Variants in MAPK14 observed in about 807,000 individuals in gnomAD.
MAPK14 encodes the protein mitogen-activated protein kinase 14.
In MAPK14, 16 loss-of-function variants were observed where a neutral mutation model predicts 49.6. That is an observed-to-expected ratio of 0.32 (90% confidence interval 0.22 to 0.49). The LOEUF (loss-of-function observed/expected upper bound fraction) is 0.49, where lower values mean the gene tolerates loss of function less well. Among genes scored for constraint, MAPK14 ranks in the 20% least tolerant of loss-of-function variants. MAPK14 has a pLI of 0.99. For synonymous variants in MAPK14, 142 were observed against 158.0 expected, an observed-to-expected ratio of 0.90 and a Z score of 0.76; for missense variants, 200 against 441.2, an observed-to-expected ratio of 0.45 and a Z score of 4.90.
intron 8 of MAPK14, chr6:36,076,881 A>G: frequency 3.6e-6 from 1 of 280,754 alleles, no homozygotes; most frequent in Non-Finnish European, 6.7e-6. Context: ...ATCATCCCAC[A>G]GCAGTTCTGA....
rs1488499392 is a variant in MAPK14 at position 36,055,977 on chromosome 6, A to G, written c.246+3149A>G. Among the ~76,000 whole-genome samples, 3 of 152,174 alleles carry G rather than the reference A, an allele frequency of 2.0e-5. No homozygotes were observed. In the South Asian group the frequency reaches 6.2e-4, roughly 31 times the overall value. ...TTTAGCATGGGTAGTTTTAATCTCA[A>G]AATTGTTATTTTCGGTGTGCTTATG... On this transcript the variant is annotated intron_variant, in intron 2 of 11. Transcript: ENST00000229794.
chr6:36,079,186 A>T (rs531675988), intron 8 of MAPK14, among the ~76,000 whole-genome samples: 2 of 152,340 alleles, frequency 1.3e-5, no homozygotes, highest in Non-Finnish European at 1.5e-5. Context: ...TTTTTAATAG[A>T]TGGGGAAACC....
At position 36,107,246 on chromosome 6, in the gene MAPK14, T is replaced by A. The variant is rs1765825756; in HGVS notation, c.842-209T>A. Among the ~76,000 whole-genome samples the A allele has an allele frequency of 7.1e-6, 1 of 141,240 alleles. No individual in the cohort carries two copies. The highest frequency in any genetic ancestry group is 2.7e-5 in the African/African-American group (1 of 36,968). 92.7% of individuals were successfully genotyped at this position (141,240 alleles called of 152,430 possible). ...CCAAATCAAAAATAAAATAAAAAAA[T>A]TTTAAAACATAGAAAATACAGATAC... On this transcript the variant is annotated intron_variant, in intron 10 of 11. Transcript: ENST00000229794. This position sits in a 1 kb window ranked among gnomAD's most constrained non-coding sequence, Gnocchi z 4.3.
chr6:36,031,435 T>C (rs1762540040), intron 1 of MAPK14, among the ~76,000 whole-genome samples: 1 of 152,180 alleles, frequency 6.6e-6, no homozygotes, highest in Non-Finnish European at 1.5e-5. Context: ...AGACAGAGTC[T>C]CATTCTGTTG....
At chr6:36,056,167 T>C (rs2127421675) in intron 2 of MAPK14, among the ~76,000 whole-genome samples, 1 of 152,342 alleles carries the variant, frequency 6.6e-6, no homozygotes, top group East Asian at 1.9e-4. Context: ...TCTCATATTC[T>C]GTTAATGGAA....
chr6:36,043,804 CTTTTTTTTTTT>C lies in MAPK14; in HGVS notation c.117-8882_117-8872del, dbSNP rs796534477. On this transcript the variant is annotated intron_variant, in intron 1 of 11. Coordinates refer to ENST00000229794, the MANE Select transcript of MAPK14 (RefSeq NM_139012.3). ...TAGATATTCTTTTTTCTTTTTCTTT[CTTTTTTTTTTT>C]TTTTTTTTTTTTGAGATGGAGTTTC... Among the ~76,000 whole-genome samples the C allele has an allele frequency of 4.3e-3, 389 of 90,412 alleles. 4 individuals are homozygous for C. The highest frequency in any genetic ancestry group is 0.017 in the African/African-American group (365 of 22,062). The allele number at this position is 90,412 out of a possible 152,430, so 59.3% of individuals were successfully genotyped here.
In MAPK14 at chr6:36,107,510, G is replaced by T. The variant is rs765459552; in HGVS notation, c.897G>T (p.Ala299=). 6.3e-7 allele frequency: 1 copy of T among 1,597,052 alleles called. No homozygotes were observed. The highest frequency in any genetic ancestry group is 1.3e-5 in the African/African-American group (1 of 74,468). The change falls in exon 11 of 12, where the codon GCG becomes GCT. Residue 299 remains alanine, a synonymous_variant. Coordinates refer to ENST00000229794, the MANE Select transcript of MAPK14 (RefSeq NM_139012.3). The surrounding 1 kb of genome is among the most constrained non-coding windows in gnomAD (Gnocchi z 4.3). ...TGGACTCAGATAAGAGAATTACAGC[G>T]GCCCAAGCCCTTGCACATGCCTACT... ...LVLDSDKRIT[A]AQALAHAYFA...
chr6:36,040,321 G>A lies in MAPK14; in HGVS notation c.116+12048G>A, dbSNP rs551412103. Among the ~76,000 whole-genome samples, 98 of 152,258 alleles carry A rather than the reference G, an allele frequency of 6.4e-4. 2 individuals are homozygous for A. The highest frequency in any genetic ancestry group is 3.5e-3 in the South Asian group (17 of 4,830). The stretch of plus-strand genomic sequence containing the variant: ...ATTGCCACATATCTCTTGACGGGTA[G>A]GGAGGGCAAAATCACCTTTAGTTGA... On this transcript the variant is annotated intron_variant, in intron 1 of 11. Coordinates refer to ENST00000229794, the MANE Select transcript of MAPK14 (RefSeq NM_139012.3).
chr6:36,073,489 A>G (rs1394069673), intron 4 of MAPK14, among the ~76,000 whole-genome samples: 3 of 152,228 alleles, frequency 2.0e-5, no homozygotes, highest in African/African-American at 7.2e-5. Context: ...AAATAGATTA[A>G]AAGCTCAACT....
rs1412880076 is a variant in MAPK14 at position 36,107,025 on chromosome 6, C to G, written c.842-430C>G. On this transcript the variant is annotated intron_variant, in intron 10 of 11. Coordinates refer to ENST00000229794, the MANE Select transcript of MAPK14 (RefSeq NM_139012.3). The surrounding 1 kb of genome is among the most constrained non-coding windows in gnomAD (Gnocchi z 4.3). The stretch of plus-strand genomic sequence containing the variant: ...CATTGACGGTCCACAAAAGCCTGTT[C>G]AAACAGAATCCCAGTCATTTAAAAA... Among the ~76,000 whole-genome samples, 1 of 152,124 alleles carries G rather than the reference C, an allele frequency of 6.6e-6. No homozygotes were observed. Among genetic ancestry groups the G allele is most frequent in the African/African-American group, 2.4e-5 (1 of 41,426 alleles).
At chr6:36,042,984 C>T (rs1247852933) in intron 1 of MAPK14, among the ~76,000 whole-genome samples, 3 of 151,784 alleles carry the variant, frequency 2.0e-5, no homozygotes, top group Admixed American at 6.6e-5. Context: ...ATTAGCCAGG[C>T]GTCGTGGTGT....
chr6:36,029,751 G>T lies in MAPK14; in HGVS notation c.116+1478G>T, dbSNP rs146041093. On this transcript the variant is annotated intron_variant, in intron 1 of 11. Transcript: ENST00000229794. ...TAGTTCAAGTTGCTTAAGTTATGTT[G>T]CAGATAGCACCGTGCTTGACATCTT... Among the ~76,000 whole-genome samples, 576 of 152,212 alleles carry T rather than the reference G, an allele frequency of 3.8e-3. 6 individuals are homozygous for T. The Middle Eastern group carries it at 0.051, about 13-fold the overall frequency.
At chr6:36,103,870 A>G (rs889843415) in intron 10 of MAPK14, among the ~76,000 whole-genome samples, 12 of 152,198 alleles carry the variant, frequency 7.9e-5, no homozygotes, top group Non-Finnish European at 1.5e-5. Context: ...GGTGTGTTTT[A>G]AAATCTCACT....
intron 6 of MAPK14, 124 bp from the exon 7 acceptor site, chr6:36,075,716 CTTTATGAA>C: frequency 8.5e-7 from 1 of 1,176,784 alleles, no homozygotes; most frequent in Non-Finnish European, 1.2e-6. Flanking sequence ...CAGGAAATCT[CTTTATGAA>C]AGTGCTATTT....
chr6:36,053,682 T>C (rs1262977314), intron 2 of MAPK14, among the ~76,000 whole-genome samples: 1 of 152,206 alleles, frequency 6.6e-6, no homozygotes, highest in African/African-American at 2.4e-5. Flanking sequence ...TGTTACCTTG[T>C]GGAAGAAAAT....
intron 6 of MAPK14, among the ~76,000 whole-genome samples, 190 bp downstream of exon 6, chr6:36,074,286 GT>G (rs1223082904): frequency 2.0e-5 from 3 of 152,030 alleles, no homozygotes; most frequent in Non-Finnish European, 4.4e-5. Context: ...GGCATCACTT[GT>G]TTTTATTTTA....
At chr6:36,052,458 T>C (rs1304486808) in intron 1 of MAPK14, among the ~76,000 whole-genome samples, 2 of 152,164 alleles carry the variant, frequency 1.3e-5, no homozygotes, top group Admixed American at 6.5e-5. Context: ...TGGCCCTTCA[T>C]TGAAAAAAAT....
In MAPK14 at chr6:36,028,595, G is replaced by C. The variant is rs1762405071; in HGVS notation, c.116+322G>C. On this transcript the variant is annotated intron_variant, in intron 1 of 11. Coordinates refer to ENST00000229794, the MANE Select transcript of MAPK14 (RefSeq NM_139012.3). This position sits in a 1 kb window ranked among gnomAD's most constrained non-coding sequence, Gnocchi z 5.1. ...GGCAACAGGCACCGGGGGAAGGGCC[G>C]CTTCCTTGGGGGTCTCCCTGCCTAC... is the stretch of plus-strand genomic sequence containing the variant. 6.6e-6 allele frequency among the ~76,000 whole-genome samples: 1 copy of C among 152,194 alleles called. No individual in the cohort carries two copies. The highest frequency in any genetic ancestry group is 2.4e-5 in the African/African-American group (1 of 41,456).
intron 3 of MAPK14, among the ~76,000 whole-genome samples, chr6:36,065,045 A>ACCTACATG (rs1562121078): frequency 6.6e-6 from 1 of 152,088 alleles, no homozygotes; most frequent in African/African-American, 2.4e-5. Context: ...TTCCCCACAT[A>ACCTACATG]CCTACATGAC....
Sources: gnomAD v4.1 joint callset for allele counts (sites outside exome capture counted in the v4.1 genomes callset) on GRCh38, gnomAD v4.1.1 for gene constraint, Gnocchi (gnomAD v3.1) non-coding constraint, MANE v1.5 for transcripts, NCBI Gene and HGNC (gene_info 2026-07-23, HGNC 2026-07-21) for gene names.